Variants in MTUS1 observed in about 807,000 individuals in gnomAD.
MTUS1 encodes the protein microtubule-associated tumor suppressor 1.
MTUS1 carries 109 observed loss-of-function variants against 120.8 expected under a neutral mutation model. That is an observed-to-expected ratio of 0.90 (90% confidence interval 0.77 to 1.06). The LOEUF (loss-of-function observed/expected upper bound fraction) is 1.06, where lower values mean the gene tolerates loss of function less well. MTUS1 is among the 50% of genes least tolerant of loss of function. The pLI, the probability that MTUS1 is intolerant of heterozygous loss-of-function variation, is 0.00. For missense variants in MTUS1, 2,210 were observed against 1,486.3 expected (o/e 1.49, Z -8.01); for synonymous variants, 737 against 550.5 (o/e 1.34, Z -4.74).
chr8:17,722,093 T>C (rs903352289), intron 4 of MTUS1: 3 of 1,324,346 alleles, frequency 2.3e-6, no homozygotes, highest in Non-Finnish European at 2.9e-6. Context: ...TTTGAATGCT[T>C]AATCCGCAAC....
chr8:17,665,301 T>C (rs1030182934), intron 8 of MTUS1, among the ~76,000 whole-genome samples: 1 of 152,170 alleles, frequency 6.6e-6, no homozygotes, highest in Non-Finnish European at 1.5e-5. Flanking sequence ...AATCATAAAT[T>C]ATTAGGAACT....
intron 7 of MTUS1, among the ~76,000 whole-genome samples, chr8:17,677,574 T>G (rs1182157951): frequency 6.6e-6 from 1 of 152,064 alleles, no homozygotes; most frequent in Non-Finnish European, 1.5e-5. Context: ...ATACACCAGG[T>G]GATATTTTTG....
chr8:17,754,724 C>T lies in MTUS1; in HGVS notation c.1084G>A (p.Ala362Thr), dbSNP rs2048467106. 16 of 1,614,112 alleles carry T rather than the reference C, an allele frequency of 9.9e-6. No homozygotes were observed. The highest frequency in any genetic ancestry group is 1.3e-5 in the African/African-American group (1 of 74,936). ...LMVPAFDKSE[A>T]QVLNPEHKVT... ...TTATGCTCTGGGTTCAGCACTTGAG[C>T]TTCGCTCTTATCAAAAGCTGGCACC... The change falls in exon 2 of 15, where the codon GCT (alanine) becomes ACT (threonine). Residue 362 changes from alanine (A) to threonine (T), a missense_variant. Ala to Thr is a moderately conservative substitution (Grantham distance 58). Coordinates refer to ENST00000693296, the MANE Select transcript of MTUS1 (RefSeq NM_001363059.2).
chr8:17,756,812 C>T (rs920732946), intron 1 of MTUS1, among the ~76,000 whole-genome samples: 59 of 152,186 alleles, frequency 3.9e-4, no homozygotes, highest in African/African-American at 1.4e-3. Context: ...AATGCTCTCC[C>T]ACTCTTGGTT....
chr8:17,777,575 G>A (rs1261775951), intron 1 of MTUS1, among the ~76,000 whole-genome samples: 1 of 152,080 alleles, frequency 6.6e-6, no homozygotes, highest in Non-Finnish European at 1.5e-5. Context: ...TCTCTACAGA[G>A]ACGTGGATGG....
chr8:17,757,052 A>C (rs1007728426), intron 1 of MTUS1, among the ~76,000 whole-genome samples: 16 of 152,226 alleles, frequency 1.1e-4, no homozygotes, highest in African/African-American at 2.4e-5. Context: ...CTACTGAAGA[A>C]AATGAAAACA....
rs150408160 is a variant in MTUS1, at chr8:17,734,768, G to C, written c.2287+8836C>G. ...TCACCAGCAAATTTATTTACCATCT[G>C]ACACCTATGCTAATAATGCCTGATA... On this transcript the variant is annotated intron_variant, in intron 3 of 14. Coordinates refer to ENST00000693296, the MANE Select transcript of MTUS1 (RefSeq NM_001363059.2). 2.0e-5 allele frequency among the ~76,000 whole-genome samples: 3 copies of C among 152,246 alleles called. No homozygotes were observed. The East Asian group carries it at 5.8e-4, about 29-fold the overall frequency.
Position 17,644,242 on chromosome 8 carries a change from A to G in MTUS1, c.*1684T>C, listed in dbSNP as rs1018999080. The G allele has an allele frequency of 1.3e-5, 2 of 152,612 alleles. No individual in the cohort carries two copies. The highest frequency in any genetic ancestry group is 4.8e-5 in the African/African-American group (2 of 41,460). 9.5% of individuals were successfully genotyped at this position (152,612 alleles called of 1,614,324 possible). A position where few individuals can be genotyped will look rare whatever the true frequency, so the allele number is the denominator to read the frequency against. The stretch of plus-strand genomic sequence containing the variant: ...GGTTACATACATGATGAAGTATTGG[A>G]AGTTAAAGACTTAAGACACAAAATC... On this transcript the variant is annotated 3_prime_UTR_variant, in exon 15 of 15. Transcript: ENST00000693296.
At chr8:17,691,316 A>G (rs921889873) in intron 6 of MTUS1, 1 of 152,274 alleles carries the variant, frequency 6.6e-6, no homozygotes, top group Non-Finnish European at 1.5e-5. Context: ...TATTGTGAGC[A>G]AAACTTGCCA....
At chr8:17,683,641 T>C (rs1241347774) in intron 7 of MTUS1, among the ~76,000 whole-genome samples, 1 of 152,124 alleles carries the variant, frequency 6.6e-6, no homozygotes, top group Non-Finnish European at 1.5e-5. Context: ...TCTTTAAAAC[T>C]GTGATTTAAA....
In MTUS1 at chr8:17,789,002, A is replaced by G. The variant is rs571306379; in HGVS notation, c.-155+12059T>C. On this transcript the variant is annotated intron_variant, in intron 1 of 14. Coordinates refer to ENST00000693296, the MANE Select transcript of MTUS1 (RefSeq NM_001363059.2). Reference sequence around the variant, plus strand: ...ACTGTACAGTTATGCTAAAGAAATGATTTGATGTACAGACTGTGCATGCTT... The same window carrying G: ...ACTGTACAGTTATGCTAAAGAAATGGTTTGATGTACAGACTGTGCATGCTT... Among the ~76,000 whole-genome samples, 9 of 152,022 alleles carry G rather than the reference A, an allele frequency of 5.9e-5. No individual in the cohort carries two copies. In the South Asian group the frequency reaches 1.9e-3, roughly 32 times the overall value.
At chr8:17,751,999 C>CCAT (rs533054614) in intron 2 of MTUS1, among the ~76,000 whole-genome samples, 8 of 151,988 alleles carry the variant, frequency 5.3e-5, no homozygotes, top group African/African-American at 1.9e-4. Context: ...ATCCTAACAG[C>CCAT]CAGATTCCTG....
chr8:17,723,961 A>ATTT, intron 3 of MTUS1, 128 bp from the exon 4 acceptor site: 1 of 716,318 alleles, frequency 1.4e-6, no homozygotes, highest in Non-Finnish European at 2.3e-6. Flanking sequence ...GTTCACAATC[A>ATTT]TGTAACTTCA....
At chr8:17,712,830 A>AC (rs1821600798) in intron 6 of MTUS1, among the ~76,000 whole-genome samples, 1 of 151,948 alleles carries the variant, frequency 6.6e-6, no homozygotes, top group Admixed American at 6.5e-5. Flanking sequence ...GAAAAAAAAA[A>AC]CATAAAAATA....
At chr8:17,689,334 T>G (rs1816490113) in intron 6 of MTUS1, among the ~76,000 whole-genome samples, 3 of 152,194 alleles carry the variant, frequency 2.0e-5, no homozygotes, top group Non-Finnish European at 2.9e-5. Context: ...TAGAATTCGT[T>G]GCAATAGCTC....
chr8:17,672,505 G>C (rs1244390016), intron 8 of MTUS1, among the ~76,000 whole-genome samples: 2 of 152,102 alleles, frequency 1.3e-5, no homozygotes, highest in African/African-American at 4.8e-5. Context: ...TCCCAACTTT[G>C]CTATGTCAAT....
At chr8:17,710,275 C>T (rs749594523) in intron 6 of MTUS1, among the ~76,000 whole-genome samples, 9 of 152,140 alleles carry the variant, frequency 5.9e-5, no homozygotes, top group Non-Finnish European at 1.2e-4. Context: ...TAGCATTTTA[C>T]CCACAGCAGA....
At chr8:17,737,395 A>G (rs1328801216) in intron 3 of MTUS1, among the ~76,000 whole-genome samples, 1 of 152,254 alleles carries the variant, frequency 6.6e-6, no homozygotes, top group African/African-American at 2.4e-5. Context: ...GACTAATACT[A>G]TTTTTATGAA....
intron 8 of MTUS1, among the ~76,000 whole-genome samples, chr8:17,662,014 C>T (rs1809833588): frequency 6.6e-6 from 1 of 152,156 alleles, no homozygotes; most frequent in Non-Finnish European, 1.5e-5. Context: ...ATTAAAGGTT[C>T]TCAGAGTGCT....
Sources: allele counts gnomAD v4.1 joint callset (sites outside exome capture counted in the v4.1 genomes callset), GRCh38; gene constraint gnomAD v4.1.1; transcripts MANE v1.5; gene names NCBI Gene and HGNC (gene_info 2026-07-23, HGNC 2026-07-21).